Variants in DIS3L2 observed in about 807,000 individuals in gnomAD.
DIS3L2 encodes the protein DIS3-like exonuclease 2.
Under a neutral mutation model 97.5 loss-of-function variants are expected in DIS3L2, and 34 were observed. That is an observed-to-expected ratio of 0.35 (90% CI 0.27 to 0.46). The LOEUF (loss-of-function observed/expected upper bound fraction) is 0.46, where lower values mean the gene tolerates loss of function less well. DIS3L2 is among the 20% of genes least tolerant of loss of function. The pLI is 1.00. For missense variants in DIS3L2, 1,038 were observed against 1,146.0 expected (o/e 0.91, Z 1.36); for synonymous variants, 435 against 445.2 (o/e 0.98, Z 0.29).
chr2:232,099,102 T>A (rs1024390346), intron 6 of DIS3L2, among the ~76,000 whole-genome samples: 1 of 152,374 alleles, frequency 6.6e-6, no homozygotes, highest in Admixed American at 6.5e-5. Context: ...CTAAGTCTAT[T>A]TCTGATGTTG....
intron 6 of DIS3L2, among the ~76,000 whole-genome samples, chr2:232,093,013 T>A (rs1045916940): frequency 6.6e-6 from 1 of 152,200 alleles, no homozygotes; most frequent in Non-Finnish European, 1.5e-5. Context: ...CAGTTTGATA[T>A]TAGCTGTGGG....
At chr2:232,249,466 G>C (rs1693361280) in intron 12 of DIS3L2, 120 bp downstream of exon 12, 2 of 1,062,332 alleles carry the variant, frequency 1.9e-6, no homozygotes, top group Non-Finnish European at 2.8e-6. Context: ...GGGAGGTATG[G>C]AGTAGCCATC....
intron 6 of DIS3L2, among the ~76,000 whole-genome samples, chr2:232,100,336 C>CT (rs544132388): frequency 2.4e-4 from 37 of 151,656 alleles, no homozygotes; most frequent in Non-Finnish European, 5.3e-4. Flanking sequence ...CACACCTGGC[C>CT]TTTTTTTTCC....
At chr2:232,303,737 C>T (rs958771210) in intron 14 of DIS3L2, among the ~76,000 whole-genome samples, 3 of 152,140 alleles carry the variant, frequency 2.0e-5, no homozygotes, top group Non-Finnish European at 4.4e-5. Context: ...TAACGGGATT[C>T]AGTATCAAAA....
intron 14 of DIS3L2, among the ~76,000 whole-genome samples, chr2:232,322,876 G>A (rs1021722378): frequency 2.7e-5 from 4 of 149,800 alleles, no homozygotes; most frequent in South Asian, 2.1e-4. Context: ...TTAAGTCTGC[G>A]ATGGCCCAGC....
chr2:232,288,177 A>T (rs1694497018), intron 13 of DIS3L2, among the ~76,000 whole-genome samples: 2 of 152,118 alleles, frequency 1.3e-5, no homozygotes, highest in South Asian at 2.1e-4. Context: ...GGAATATGTT[A>T]TCCAGATATT....
At chr2:232,170,921 A>G (rs1202016368) in intron 9 of DIS3L2, among the ~76,000 whole-genome samples, 1 of 152,166 alleles carries the variant, frequency 6.6e-6, no homozygotes. Flanking sequence ...TTTCAGGTCA[A>G]CCCTTTTGTG....
At chr2:232,185,374 A>G (rs768678798) in intron 9 of DIS3L2, among the ~76,000 whole-genome samples, 36 of 152,226 alleles carry the variant, frequency 2.4e-4, no homozygotes, top group South Asian at 6.2e-4. Flanking sequence ...TCTTAAAGGA[A>G]ATTTTTAAAA....
At chr2:232,319,955 G>A (rs1012802285) in intron 14 of DIS3L2, among the ~76,000 whole-genome samples, 7 of 152,210 alleles carry the variant, frequency 4.6e-5, no homozygotes, top group African/African-American at 7.2e-5. Flanking sequence ...TGAGAGTGGC[G>A]TCGGGGAAAG....
At chr2:232,251,877 C>T (rs192428731) in intron 12 of DIS3L2, among the ~76,000 whole-genome samples, 2 of 152,276 alleles carry the variant, frequency 1.3e-5, no homozygotes, top group East Asian at 3.9e-4. Flanking sequence ...AAGGCTTCAA[C>T]AAAAATGTCC....
intron 1 of DIS3L2, among the ~76,000 whole-genome samples, chr2:231,974,164 T>G (rs892326176): frequency 3.3e-5 from 5 of 151,986 alleles, no homozygotes; most frequent in African/African-American, 1.2e-4. Flanking sequence ...CAGAAATTGG[T>G]GAAGTGGGGG....
chr2:232,173,913 A>G (rs1051656186), intron 9 of DIS3L2, among the ~76,000 whole-genome samples: 2 of 152,044 alleles, frequency 1.3e-5, no homozygotes, highest in Admixed American at 1.3e-4. Flanking sequence ...AGATTTTTCT[A>G]CTATTCTGGG....
chr2:232,334,543 G>A lies in DIS3L2; in HGVS notation c.2289+44G>A, dbSNP rs753337384. On this transcript the variant is annotated intron_variant, in intron 18 of 20. Transcript: ENST00000325385. Reference sequence around the variant, plus strand: ...TGCCCCTCACCTCCCTCTGGCTCCCGACCCTCCTGGGCACCTGCTCACCAG... The same window carrying A: ...TGCCCCTCACCTCCCTCTGGCTCCCAACCCTCCTGGGCACCTGCTCACCAG... 2.1e-5 allele frequency: 33 copies of A among 1,609,296 alleles called. No individual in the cohort carries two copies. In the Admixed American group the frequency reaches 2.7e-4, roughly 13 times the overall value.
chr2:232,194,599 T>C (rs1691698534), intron 9 of DIS3L2, among the ~76,000 whole-genome samples: 1 of 152,172 alleles, frequency 6.6e-6, no homozygotes, highest in African/African-American at 2.4e-5. Context: ...TAATTGTACG[T>C]TCTAAGAATT....
chr2:232,238,719 C>T (rs2106252499), intron 11 of DIS3L2, 74 bp downstream of exon 11: 1 of 1,317,658 alleles, frequency 7.6e-7, no homozygotes, highest in Admixed American at 2.2e-5. Context: ...TGTGTGCTCT[C>T]TGTTATTACA....
At chr2:232,266,893 C>A (rs1220732260) in intron 13 of DIS3L2, among the ~76,000 whole-genome samples, 1 of 152,164 alleles carries the variant, frequency 6.6e-6, no homozygotes, top group African/African-American at 2.4e-5. Flanking sequence ...ACACATCATG[C>A]CCTTAGGTTC....
intron 12 of DIS3L2, among the ~76,000 whole-genome samples, chr2:232,263,002 C>T (rs945490715): frequency 2.6e-5 from 4 of 152,198 alleles, no homozygotes; most frequent in Admixed American, 1.3e-4. Context: ...ATTAATTCCA[C>T]GCCAGGTGGA....
At chr2:232,085,778 T>A (rs1281372985) in intron 5 of DIS3L2, among the ~76,000 whole-genome samples, 2 of 152,066 alleles carry the variant, frequency 1.3e-5, no homozygotes, top group Non-Finnish European at 2.9e-5. Context: ...ATAAAATGGA[T>A]TAGTATCTGG....
At chr2:231,991,873 A>G (rs566329719) in intron 1 of DIS3L2, among the ~76,000 whole-genome samples, 7 of 152,304 alleles carry the variant, frequency 4.6e-5, no homozygotes, top group African/African-American at 1.7e-4. Context: ...CTGAGTATCC[A>G]CTGTGTGCTA....
Sources: gnomAD v4.1 joint callset for allele counts (sites outside exome capture counted in the v4.1 genomes callset) on GRCh38, gnomAD v4.1.1 for gene constraint, MANE v1.5 for transcripts, NCBI Gene and HGNC (gene_info 2026-07-23, HGNC 2026-07-21) for gene names.